NPNT: variants seen among roughly 807,000 people sequenced by gnomAD.
The protein encoded by NPNT is preosteoblast EGF-like repeat protein with MAM domain.
In NPNT, 45 loss-of-function variants were observed where a neutral mutation model predicts 68.6. That is an observed-to-expected ratio of 0.66 (90% confidence interval 0.52 to 0.84). The LOEUF (loss-of-function observed/expected upper bound fraction) is 0.84. NPNT is among the 40% of genes least tolerant of loss of function. The pLI is 0.00. For synonymous variants in NPNT, 233 were observed against 253.3 expected (o/e 0.92, Z 0.76); for missense variants, 672 against 714.8 (o/e 0.94, Z 0.68).
intron 2 of NPNT, chr4:105,912,580 A>G: frequency 1.0e-6 from 1 of 998,376 alleles, no homozygotes; most frequent in Non-Finnish European, 1.2e-6. Flanking sequence ...AAATGAAATT[A>G]CTAACACCAG....
chr4:105,934,661 C>G (rs763747851), intron 3 of NPNT, among the ~76,000 whole-genome samples: 2 of 152,232 alleles, frequency 1.3e-5, no homozygotes, highest in African/African-American at 2.4e-5. Flanking sequence ...GTTTTGGATA[C>G]TTATATGCCC....
intron 8 of NPNT, among the ~76,000 whole-genome samples, chr4:105,949,707 T>C (rs907865699): frequency 3.3e-5 from 5 of 152,200 alleles, no homozygotes; most frequent in Admixed American, 2.0e-4. Context: ...AATGAAATCT[T>C]ATATAACTAT....
chr4:105,917,148 A>G (rs903832382), intron 2 of NPNT, among the ~76,000 whole-genome samples: 5 of 152,182 alleles, frequency 3.3e-5, no homozygotes. Context: ...ATTTGAGTAG[A>G]AGCCTTTTCA....
intron 2 of NPNT, among the ~76,000 whole-genome samples, chr4:105,920,635 A>T (rs1011293878): frequency 1.3e-5 from 2 of 152,050 alleles, no homozygotes; most frequent in Non-Finnish European, 2.9e-5. Context: ...AGATGCACAT[A>T]TACAGATGCA....
intron 10 of NPNT, among the ~76,000 whole-genome samples, chr4:105,966,673 T>G (rs1732165315): frequency 6.9e-6 from 1 of 143,918 alleles, no homozygotes; most frequent in East Asian, 1.9e-4. Flanking sequence ...TTTAGAGATT[T>G]TTTTTTTTTA....
In NPNT at chr4:105,897,901, G is replaced by A; in HGVS notation, c.72G>A (p.Arg24=). The stretch of plus-strand genomic sequence containing the variant: ...TATTTTGAATCTTTTTTTTTGGTAG[G>A]TGGCCCAGGCAAATAGTGTCATCGA... ...YLQAAAEFDG[R]WPRQIVSSIG... Residue 24 remains arginine (R), a splice_region_variant and synonymous_variant, in exon 2 of 12, where the codon AGG becomes AGA. Coordinates refer to ENST00000379987, the MANE Select transcript of NPNT (RefSeq NM_001033047.3). The A allele has an allele frequency of 6.2e-7, 1 of 1,609,028 alleles. No homozygotes were observed. Among genetic ancestry groups the A allele is most frequent in the Non-Finnish European group, 8.5e-7 (1 of 1,175,822 alleles).
At chr4:105,900,107 G>A (rs571628979) in intron 2 of NPNT, among the ~76,000 whole-genome samples, 8 of 152,292 alleles carry the variant, frequency 5.3e-5, no homozygotes, top group East Asian at 1.9e-4. Context: ...AACTTCTAGC[G>A]AATTTAATGT....
rs187790411 is a variant in NPNT, at chr4:105,970,449, A to T, written c.*1459A>T. The T allele has an allele frequency of 1.0e-4, 73 of 700,386 alleles. 1 individual carries two copies. The highest frequency in any genetic ancestry group is 7.0e-4 in the East Asian group (26 of 37,160). 43.4% of individuals were successfully genotyped at this position (700,386 alleles called of 1,614,324 possible). A position where few individuals can be genotyped will look rare whatever the true frequency, so the allele number is the denominator to read the frequency against. ...ATGATGGAAAATTAAAGGAACTGGG[A>T]TTATTGAGCCTGGAGAAGAGAAGAC... is the stretch of plus-strand genomic sequence containing the variant. On this transcript the variant is annotated 3_prime_UTR_variant, in exon 12 of 12. Transcript: ENST00000379987.
At chr4:105,918,260 T>A (rs1727974441) in intron 2 of NPNT, among the ~76,000 whole-genome samples, 1 of 152,216 alleles carries the variant, frequency 6.6e-6, no homozygotes, top group Admixed American at 6.5e-5. Flanking sequence ...GATTTAATTT[T>A]AAAAATAATT....
chr4:105,946,426 T>C (rs948992731), intron 8 of NPNT, among the ~76,000 whole-genome samples: 2 of 152,184 alleles, frequency 1.3e-5, no homozygotes, highest in Non-Finnish European at 2.9e-5. Flanking sequence ...CTGAAGTCCC[T>C]TCTAATAACT....
In NPNT at chr4:105,933,616, C is replaced by T. The variant is rs940445459; in HGVS notation, c.266-3393C>T. 5.9e-5 allele frequency among the ~76,000 whole-genome samples: 9 copies of T among 152,004 alleles called. No individual in the cohort carries two copies. The South Asian group carries it at 6.2e-4, about 11-fold the overall frequency. ...ACATTGCCCGATTTAAGCACCAAAG[C>T]GGGGAGAAAGTCTAAATGTGTTAAA... is the stretch of plus-strand genomic sequence containing the variant. On this transcript the variant is annotated intron_variant, in intron 3 of 11. Transcript: ENST00000379987.
intron 3 of NPNT, among the ~76,000 whole-genome samples, chr4:105,936,356 T>C (rs1312001060): frequency 6.6e-6 from 1 of 152,212 alleles, no homozygotes; most frequent in Non-Finnish European, 1.5e-5. Flanking sequence ...TCATATAAAA[T>C]CTACCAGATT....
intron 8 of NPNT, among the ~76,000 whole-genome samples, chr4:105,943,842 TTTA>T (rs1390705915): frequency 1.3e-5 from 2 of 152,140 alleles, no homozygotes; most frequent in African/African-American, 4.8e-5. Context: ...AATACTGACA[TTTA>T]TTATTCTTTA....
intron 8 of NPNT, among the ~76,000 whole-genome samples, chr4:105,946,997 C>G (rs544177081): frequency 9.8e-5 from 15 of 152,298 alleles, no homozygotes; most frequent in Admixed American, 9.8e-4. Flanking sequence ...CCGCATGAGA[C>G]AGACACTCCC....
intron 3 of NPNT, among the ~76,000 whole-genome samples, chr4:105,935,237 T>C (rs548444839): frequency 1.3e-5 from 2 of 152,330 alleles, no homozygotes; most frequent in African/African-American, 4.8e-5. Context: ...GTGGTTTTGT[T>C]CTGTTTTTGT....
chr4:105,895,643 G>A lies in NPNT; in HGVS notation c.-10G>A, dbSNP rs1464479431. 7 of 1,549,614 alleles carry A rather than the reference G, an allele frequency of 4.5e-6. No individual in the cohort carries two copies. In the Admixed American group the frequency reaches 1.4e-4, roughly 30 times the overall value. On this transcript the variant is annotated 5_prime_UTR_variant, in exon 1 of 12. Coordinates refer to ENST00000379987, the MANE Select transcript of NPNT (RefSeq NM_001033047.3). ...GCCACTGCGCTGCGCCCCAGGACCC[G>A]CTGCCCAACATGGATTTTCTCCTGG... is the stretch of plus-strand genomic sequence containing the variant.
Position 105,897,948 on chromosome 4 carries a change from G to A in NPNT, c.119G>A (p.Gly40Glu). 1 of 1,613,700 alleles carries A rather than the reference G, an allele frequency of 6.2e-7. No individual in the cohort carries two copies. The highest frequency in any genetic ancestry group is 8.5e-7 in the Non-Finnish European group (1 of 1,179,860). Residue 40 changes from glycine to glutamate, a missense_variant, in exon 2 of 12, where the codon GGG becomes GAG. Gly to Glu is a moderately conservative substitution (Grantham distance 98). Coordinates refer to ENST00000379987, the MANE Select transcript of NPNT (RefSeq NM_001033047.3). ...TCGATTGGCCTATGTCGTTATGGTG[G>A]GAGGATTGACTGCTGCTGGGGCTGG... The part of the protein sequence containing the change: ...VSSIGLCRYG[G>E]RIDCCWGWAR...
intron 11 of NPNT, among the ~76,000 whole-genome samples, chr4:105,968,267 CTT>C (rs1732327262): frequency 6.6e-6 from 1 of 152,064 alleles, no homozygotes; most frequent in South Asian, 2.1e-4. Context: ...TTTCTTAAAA[CTT>C]TTCTCAGTAT....
At chr4:105,912,085 A>G (rs1300089952) in intron 2 of NPNT, 2 of 758,928 alleles carry the variant, frequency 2.6e-6, no homozygotes, top group African/African-American at 3.5e-5. Context: ...AAAGTTGAAT[A>G]TGTGTAAGTC....
Sources: allele counts gnomAD v4.1 joint callset (sites outside exome capture counted in the v4.1 genomes callset), GRCh38; gene constraint gnomAD v4.1.1; transcripts MANE v1.5; gene names NCBI Gene and HGNC (gene_info 2026-07-23, HGNC 2026-07-21).